PCDHA2: variants seen among roughly 807,000 people sequenced by gnomAD.
The protein encoded by PCDHA2 is protocadherin alpha 2, also known as protocadherin alpha-2.
Under a neutral mutation model 66.0 loss-of-function variants are expected in PCDHA2, and 58 were observed. That is an observed-to-expected ratio of 0.88 (90% CI 0.71 to 1.09). The LOEUF (loss-of-function observed/expected upper bound fraction) is 1.09, where lower values mean the gene tolerates loss of function less well. Ranked by LOEUF, PCDHA2 falls within the 50% of genes least tolerant of loss-of-function variation. The probability of loss-of-function intolerance (pLI) is 0.00; values close to 1 mark genes in which losing one functional copy is unlikely to be tolerated. For missense variants in PCDHA2, 1,267 were observed against 1,242.3 expected, an observed-to-expected ratio of 1.02 and a Z score of -0.30; for synonymous variants, 634 against 554.0, an observed-to-expected ratio of 1.14 and a Z score of -2.03.
At chr5:140,865,279 T>C (rs2048807818) in intron 1 of PCDHA2, 1 of 152,232 alleles carries the variant, frequency 6.6e-6, no homozygotes, top group African/African-American at 2.4e-5. Flanking sequence ...TATGTAAAAT[T>C]ACTTTGCTCT....
intron 1 of PCDHA2, chr5:140,852,541 G>T: frequency 3.7e-6 from 2 of 544,548 alleles, no homozygotes; most frequent in Middle Eastern, 9.4e-4. Context: ...CTCCCAAAGT[G>T]CTGGGATTAA....
intron 1 of PCDHA2, among the ~76,000 whole-genome samples, chr5:140,978,203 C>T (rs1231262283): frequency 6.6e-6 from 1 of 152,178 alleles, no homozygotes; most frequent in East Asian, 1.9e-4. Context: ...CAATACACAA[C>T]TAATGCAAAA....
chr5:140,835,829 G>A (rs2150246092), intron 1 of PCDHA2: 8 of 1,612,356 alleles, frequency 5.0e-6, no homozygotes, highest in African/African-American at 1.3e-5. Flanking sequence ...CGGGGGACGC[G>A]GACGCGCAGA....
intron 1 of PCDHA2, chr5:140,823,713 T>G: frequency 6.2e-7 from 1 of 1,613,916 alleles, no homozygotes; most frequent in Admixed American, 1.7e-5. Flanking sequence ...GCCACCGCCT[T>G]CTGGTGCTGG....
intron 1 of PCDHA2, among the ~76,000 whole-genome samples, chr5:140,838,075 A>AGTGTGTG (rs781914509): frequency 1.3e-4 from 17 of 128,240 alleles, no homozygotes; most frequent in East Asian, 1.2e-3. Flanking sequence ...TTATATATAT[A>AGTGTGTG]TAGTGTGTGT....
rs1022603902 is a variant in PCDHA2, at chr5:140,840,855, G to A, written c.2388+43503G>A. 5.9e-5 allele frequency among the ~76,000 whole-genome samples: 9 copies of A among 151,892 alleles called. 1 individual carries two copies. Among genetic ancestry groups the A allele is most frequent in the African/African-American group, 2.2e-4 (9 of 41,294 alleles). Reference sequence around the variant, plus strand: ...AAATATTAATGCATTTCTTCCACACGAAACTATGGAGGACAGTTTACATTT... The same window carrying A: ...AAATATTAATGCATTTCTTCCACACAAAACTATGGAGGACAGTTTACATTT... On this transcript the variant is annotated intron_variant, in intron 1 of 3. Transcript: ENST00000526136.
chr5:140,883,467 CCTACAAGAA>C (rs1554178369), intron 1 of PCDHA2: 1 of 1,614,170 alleles, frequency 6.2e-7, no homozygotes, highest in East Asian at 2.2e-5. Flanking sequence ...CTGGTGTCCA[CCTACAAGAA>C]CTACTACTCA....
At chr5:140,838,344 G>A (rs1185722843) in intron 1 of PCDHA2, among the ~76,000 whole-genome samples, 1 of 148,412 alleles carries the variant, frequency 6.7e-6, no homozygotes, top group African/African-American at 2.5e-5. Context: ...GGCTGGTCTC[G>A]AAATCTGGGA....
chr5:140,906,985 G>A (rs1418384427), intron 1 of PCDHA2, among the ~76,000 whole-genome samples: 1 of 152,170 alleles, frequency 6.6e-6, no homozygotes, highest in East Asian at 1.9e-4. Context: ...TCTGGTGGCA[G>A]CATTCCTCCC....
At chr5:140,807,247 C>T in intron 1 of PCDHA2, 2 of 1,614,062 alleles carry the variant, frequency 1.2e-6, no homozygotes, top group Non-Finnish European at 1.7e-6. Context: ...TACTTCTTCT[C>T]CTCGCAGCCT....
intron 1 of PCDHA2, chr5:140,811,804 A>C (rs1764963643): frequency 6.6e-6 from 1 of 152,160 alleles, no homozygotes; most frequent in South Asian, 2.1e-4. Context: ...TCTTCTTTTG[A>C]GAAGTGTCTG....
rs57893927 is a variant in PCDHA2 at position 140,946,631 on chromosome 5, T to TATATATAC, written c.2389-32317_2389-32316insTATATACA. Among the ~76,000 whole-genome samples the TATATATAC allele has an allele frequency of 9.9e-4, 130 of 131,716 alleles. 1 individual carries two copies. The highest frequency in any genetic ancestry group is 2.9e-3 in the East Asian group (14 of 4,862). 86.4% of individuals were successfully genotyped at this position (131,716 alleles called of 152,430 possible). A position where few individuals can be genotyped will look rare whatever the true frequency, so the allele number is the denominator to read the frequency against. ...TGTGAAATATATATATATATATATA[T>TATATATAC]ACAATGGAATACTCATCAGCCATTA... On this transcript the variant is annotated intron_variant, in intron 1 of 3. Coordinates refer to ENST00000526136, the MANE Select transcript of PCDHA2 (RefSeq NM_018905.3).
intron 1 of PCDHA2, among the ~76,000 whole-genome samples, chr5:140,918,002 A>G (rs2153546564): frequency 1.3e-5 from 2 of 152,244 alleles, no homozygotes; most frequent in South Asian, 4.2e-4. Context: ...TATCTTAACA[A>G]TGTTGTTTCT....
intron 1 of PCDHA2, chr5:140,828,237 C>A (rs2150152822): frequency 1.2e-6 from 2 of 1,613,956 alleles, no homozygotes; most frequent in Admixed American, 3.3e-5. Context: ...GGCCGGATCG[C>A]GCAGGACCTG....
Position 140,956,280 on chromosome 5 carries a change from G to A in PCDHA2, c.2389-22669G>A, listed in dbSNP as rs554735108. On this transcript the variant is annotated intron_variant, in intron 1 of 3. Coordinates refer to ENST00000526136, the MANE Select transcript of PCDHA2 (RefSeq NM_018905.3). ...GCCCATTCAGTGTGGTATTGGCTGT[G>A]GGTTTATCATATATATGGCTCTTAT... Among the ~76,000 whole-genome samples, 16 of 152,206 alleles carry A rather than the reference G, an allele frequency of 1.1e-4. No individual in the cohort carries two copies. In the South Asian group the frequency reaches 3.3e-3, roughly 32 times the overall value.
intron 1 of PCDHA2, chr5:140,848,306 T>C (rs1781428970): frequency 1.4e-6 from 1 of 705,366 alleles, no homozygotes; most frequent in South Asian, 2.0e-5. Context: ...GTGATGTCAC[T>C]CTTTGCCGCG....
intron 1 of PCDHA2, among the ~76,000 whole-genome samples, chr5:140,925,065 G>C (rs782540022): frequency 2.0e-5 from 3 of 151,188 alleles, no homozygotes; most frequent in Non-Finnish European, 4.4e-5. Flanking sequence ...GGGCAACAAA[G>C]CAACACGCTC....
intron 1 of PCDHA2, among the ~76,000 whole-genome samples, chr5:140,907,040 G>A (rs781947448): frequency 1.4e-4 from 21 of 152,290 alleles, no homozygotes; most frequent in Non-Finnish European, 2.4e-4. Context: ...ATGTCACAGG[G>A]ACAGTAAGCA....
intron 1 of PCDHA2, chr5:140,807,275 C>CA: frequency 6.2e-7 from 1 of 1,614,232 alleles, no homozygotes; most frequent in Non-Finnish European, 8.5e-7. Context: ...AGGGAACGGT[C>CA]AGCTCCACTA....
Sources: allele counts gnomAD v4.1 joint callset (sites outside exome capture counted in the v4.1 genomes callset), GRCh38; gene constraint gnomAD v4.1.1; transcripts MANE v1.5; gene names NCBI Gene and HGNC (gene_info 2026-07-23, HGNC 2026-07-21).